THRB: variants seen among roughly 807,000 people sequenced by gnomAD.
THRB encodes nuclear receptor subfamily 1 group A member 2.
A neutral mutation model predicts 47.8 loss-of-function variants in THRB; 12 were observed. That is an observed-to-expected ratio of 0.25 (90% confidence interval 0.16 to 0.41). THRB has a LOEUF of 0.41. Among genes scored for constraint, THRB ranks in the 10% least tolerant of loss-of-function variants. THRB has a pLI of 1.00. For missense variants in THRB, 348 were observed against 589.2 expected (o/e 0.59, Z 4.24); for synonymous variants, 218 against 212.2 (o/e 1.03, Z -0.24).
chr3:24,219,262 A>C (rs566691791), intron 4 of THRB, among the ~76,000 whole-genome samples: 1 of 152,142 alleles, frequency 6.6e-6, no homozygotes, highest in Admixed American at 6.5e-5. Flanking sequence ...TGATCACACC[A>C]CTGCCTGGGT....
chr3:24,190,504 C>G (rs985717389), intron 4 of THRB, among the ~76,000 whole-genome samples, 170 bp from the exon 5 acceptor site: 5 of 152,126 alleles, frequency 3.3e-5, no homozygotes, highest in Non-Finnish European at 5.9e-5. Flanking sequence ...GGGCATTTAG[C>G]CACTGCAGTT....
intron 3 of THRB, among the ~76,000 whole-genome samples, chr3:24,272,772 T>C (rs1156840580): frequency 6.6e-6 from 1 of 152,178 alleles, no homozygotes; most frequent in Non-Finnish European, 1.5e-5. Flanking sequence ...ATATAAATCA[T>C]TTCAGATCCT....
At chr3:24,227,109 GTTCT>G (rs902818176) in intron 4 of THRB, among the ~76,000 whole-genome samples, 1 of 149,856 alleles carries the variant, frequency 6.7e-6, no homozygotes, top group Non-Finnish European at 1.5e-5. Flanking sequence ...CTTGGGGTAT[GTTCT>G]TTGAGTCCAG....
intron 1 of THRB, among the ~76,000 whole-genome samples, chr3:24,414,952 T>C (rs2068621959): frequency 6.6e-6 from 1 of 151,870 alleles, no homozygotes; most frequent in Non-Finnish European, 1.5e-5. Flanking sequence ...AACACAGTAT[T>C]TTCCATGGCA....
intron 1 of THRB, among the ~76,000 whole-genome samples, chr3:24,488,315 T>A (rs574615812): frequency 1.1e-3 from 173 of 152,338 alleles, no homozygotes; most frequent in Non-Finnish European, 1.7e-3. Flanking sequence ...TCCAGACCAA[T>A]CCTTTCCTAA....
At chr3:24,493,647 T>G (rs933805579) in intron 1 of THRB, among the ~76,000 whole-genome samples, 3 of 152,218 alleles carry the variant, frequency 2.0e-5, no homozygotes, top group Non-Finnish European at 4.4e-5. Context: ...GAATCTGAAC[T>G]TGGCTGTTCA....
At chr3:24,232,564 C>T (rs976643551) in intron 3 of THRB, among the ~76,000 whole-genome samples, 1 of 152,098 alleles carries the variant, frequency 6.6e-6, no homozygotes, top group African/African-American at 2.4e-5. Context: ...TCCTTGTGCT[C>T]CTAAGGCCCA....
chr3:24,385,171 T>C (rs2065999749), intron 1 of THRB, among the ~76,000 whole-genome samples: 1 of 152,090 alleles, frequency 6.6e-6, no homozygotes, highest in South Asian at 2.1e-4. Flanking sequence ...GTTTTGCAGA[T>C]GTCCTAAAGA....
At position 24,469,905 on chromosome 3, in the gene THRB, G is replaced by C. The variant is rs114313151; in HGVS notation, c.-261+24747C>G. ...GCAAAGGGAAACAATGGAACAATCT[G>C]ATGAAGACTGACACTTCAAATGAAT... On this transcript the variant is annotated intron_variant, in intron 1 of 10. Coordinates refer to ENST00000646209, the MANE Select transcript of THRB (RefSeq NM_001354712.2). Among the ~76,000 whole-genome samples the C allele has an allele frequency of 8.3e-4, 126 of 152,354 alleles. 1 individual carries two copies. The highest frequency in any genetic ancestry group is 2.8e-3 in the African/African-American group (115 of 41,592).
At chr3:24,372,352 C>T (rs1307231439) in intron 1 of THRB, among the ~76,000 whole-genome samples, 5 of 152,074 alleles carry the variant, frequency 3.3e-5, no homozygotes, top group African/African-American at 1.2e-4. Flanking sequence ...TCGACCCCTA[C>T]CCCAGTGTTC....
At chr3:24,269,388 C>A (rs560624000) in intron 3 of THRB, among the ~76,000 whole-genome samples, 1 of 39,652 alleles carries the variant, frequency 2.5e-5, no homozygotes, top group Non-Finnish European at 5.4e-5. Flanking sequence ...ATAGCTCACA[C>A]GCGCGCGCGC....
chr3:24,133,919 C>T (rs769291972), intron 8 of THRB, among the ~76,000 whole-genome samples: 3 of 152,140 alleles, frequency 2.0e-5, no homozygotes, highest in Non-Finnish European at 2.9e-5. Flanking sequence ...TAGCAAACAG[C>T]GCCCTGTGGA....
At chr3:24,364,334 T>C (rs1487387078) in intron 1 of THRB, among the ~76,000 whole-genome samples, 3 of 152,180 alleles carry the variant, frequency 2.0e-5, no homozygotes, top group Non-Finnish European at 2.9e-5. Flanking sequence ...CCAACCTGAG[T>C]GAAGTCATGC....
intron 4 of THRB, among the ~76,000 whole-genome samples, chr3:24,203,774 A>G (rs1266878432): frequency 6.6e-6 from 1 of 152,232 alleles, no homozygotes; most frequent in African/African-American, 2.4e-5. Context: ...AAGCTGTGAC[A>G]GACGGCACCT....
At chr3:24,220,851 CCA>C (rs1470440012) in intron 4 of THRB, among the ~76,000 whole-genome samples, 1 of 151,808 alleles carries the variant, frequency 6.6e-6, no homozygotes, top group Non-Finnish European at 1.5e-5. Context: ...GCCATTTAAC[CCA>C]CAGTTTCCCA....
upstream of THRB, chr3:24,495,566 C>T (rs1183308604): frequency 6.6e-6 from 1 of 152,518 alleles, no homozygotes; most frequent in Non-Finnish European, 1.5e-5. Flanking sequence ...GGCCGCGCGT[C>T]CACCCACCCG....
intron 5 of THRB, among the ~76,000 whole-genome samples, chr3:24,167,447 T>G (rs951937653): frequency 6.6e-6 from 1 of 152,180 alleles, no homozygotes; most frequent in African/African-American, 2.4e-5. Flanking sequence ...AATATTACAA[T>G]TAACATTTTC....
intron 1 of THRB, among the ~76,000 whole-genome samples, chr3:24,342,169 A>AAG (rs1491104216): frequency 2.1e-5 from 3 of 141,432 alleles, no homozygotes; most frequent in African/African-American, 7.6e-5. Context: ...AAAAAAAAAA[A>AAG]AGAGAGAGAT....
At chr3:24,177,491 G>GAATT (rs56825180) in intron 5 of THRB, among the ~76,000 whole-genome samples, 5,614 of 152,194 alleles carry the variant, frequency 0.037, 143 homozygotes, top group South Asian at 0.063. Context: ...AAATTATGAC[G>GAATT]AATTCACCAT....
Sources: allele counts gnomAD v4.1 joint callset (sites outside exome capture counted in the v4.1 genomes callset), GRCh38; gene constraint gnomAD v4.1.1; transcripts MANE v1.5; gene names NCBI Gene and HGNC (gene_info 2026-07-23, HGNC 2026-07-21).